SPRED2: variants seen among roughly 807,000 people sequenced by gnomAD.
SPRED2 encodes the protein sprouty-related, EVH1 domain-containing protein 2.
In SPRED2, 47 loss-of-function variants were observed where a neutral mutation model predicts 43.0. The observed-to-expected ratio is 1.09, with a 90% confidence interval of 0.87 to 1.40. The LOEUF (loss-of-function observed/expected upper bound fraction) is 1.40, where lower values mean the gene tolerates loss of function less well. Among genes scored for constraint, SPRED2 ranks in the 40% most tolerant of loss-of-function variants. SPRED2 has a pLI of 0.00. For synonymous variants in SPRED2, 225 were observed against 225.7 expected (o/e 1.00, Z 0.03); for missense variants, 561 against 586.4 (o/e 0.96, Z 0.45).
rs1668902982 is a variant in SPRED2, at chr2:65,432,317, G to T, written c.-330C>A. On this transcript the variant is annotated 5_prime_UTR_variant, in exon 1 of 6. Coordinates refer to ENST00000356388, the MANE Select transcript of SPRED2 (RefSeq NM_181784.3). ...GGGAGAGCAGGAGAAAAACAAGCGC[G>T]CCTCGGAGCGGCAGGGACTGCTGCG... is the stretch of plus-strand genomic sequence containing the variant. 7.2e-6 allele frequency: 2 copies of T among 276,988 alleles called. No individual in the cohort carries two copies. The highest frequency in any genetic ancestry group is 1.4e-5 in the Non-Finnish European group (2 of 143,172). 17.2% of individuals were successfully genotyped at this position (276,988 alleles called of 1,614,324 possible).
intron 1 of SPRED2, among the ~76,000 whole-genome samples, chr2:65,368,924 A>C (rs1675050245): frequency 6.6e-6 from 1 of 152,058 alleles, no homozygotes; most frequent in African/African-American, 2.4e-5. Context: ...AAAATACAAA[A>C]AGTAGCTGGG....
At chr2:65,349,413 AAAAC>A (rs201573607) in intron 1 of SPRED2, among the ~76,000 whole-genome samples, 2,507 of 152,208 alleles carry the variant, frequency 0.016, 81 homozygotes, top group African/African-American at 0.057. Context: ...CATTTATTTA[AAAAC>A]AAACAAACAA....
chr2:65,366,779 G>T (rs1259619064), intron 1 of SPRED2: 1 of 1,347,108 alleles, frequency 7.4e-7, no homozygotes, highest in Non-Finnish European at 9.5e-7. Context: ...TGTACCGGAT[G>T]AGTCATCCGA....
chr2:65,416,152 C>A (rs565071814), intron 1 of SPRED2, among the ~76,000 whole-genome samples: 1 of 152,116 alleles, frequency 6.6e-6, no homozygotes, highest in Non-Finnish European at 1.5e-5. Context: ...AATACCAACT[C>A]GGGAGGATGG....
chr2:65,311,085 G>A lies in SPRED2; in HGVS notation c.*2416C>T. 1.0e-6 allele frequency: 1 copy of A among 985,700 alleles called. No individual in the cohort carries two copies. Among genetic ancestry groups the A allele is most frequent in the Non-Finnish European group, 1.2e-6 (1 of 829,824 alleles). The allele number at this position is 985,700 out of a possible 1,614,324, so 61.1% of individuals were successfully genotyped here. ...CAGGCACTTTAATTTGTTAATGTGA[G>A]CAAATAGCTTGGGGGGTCGGGGAGG... On this transcript the variant is annotated 3_prime_UTR_variant, in exon 6 of 6. Transcript: ENST00000356388.
At chr2:65,401,233 C>T (rs1675879097) in intron 1 of SPRED2, among the ~76,000 whole-genome samples, 1 of 151,912 alleles carries the variant, frequency 6.6e-6, no homozygotes, top group East Asian at 2.0e-4. Context: ...GCCTCAGCCT[C>T]CCAAAGTGCT....
At chr2:65,338,750 T>C (rs1286861575) in intron 2 of SPRED2, among the ~76,000 whole-genome samples, 4 of 146,710 alleles carry the variant, frequency 2.7e-5, no homozygotes, top group Admixed American at 6.7e-5. Context: ...CGTCTCTGCC[T>C]GGCTGCCCAT....
chr2:65,349,826 C>T (rs892107986), intron 1 of SPRED2, among the ~76,000 whole-genome samples: 21 of 152,236 alleles, frequency 1.4e-4, no homozygotes, highest in Non-Finnish European at 5.9e-5. Context: ...CAAGTGCCTT[C>T]TCCAGGGTAT....
chr2:65,357,643 C>T (rs1001396945), intron 1 of SPRED2, among the ~76,000 whole-genome samples: 2 of 152,130 alleles, frequency 1.3e-5, no homozygotes, highest in African/African-American at 4.8e-5. Flanking sequence ...ACTGGATAGG[C>T]AACTGATTGT....
At chr2:65,353,148 T>C (rs938624812) in intron 1 of SPRED2, among the ~76,000 whole-genome samples, 24 of 152,116 alleles carry the variant, frequency 1.6e-4, no homozygotes, top group African/African-American at 4.8e-4. Context: ...TGCAGGAGCC[T>C]CAGAGGGGGT....
chr2:65,342,569 G>A (rs183581868), intron 2 of SPRED2, among the ~76,000 whole-genome samples: 1 of 152,046 alleles, frequency 6.6e-6, no homozygotes, highest in Admixed American at 6.6e-5. Flanking sequence ...TGTATCAAAA[G>A]TCATAAAAAT....
Position 65,331,975 on chromosome 2 carries a change from A to C in SPRED2, c.438+12T>G. ...CAACTAATCTGGAAAGCAAAGGACA[A>C]AGGAAACTTACTGTAAAAACGTCAT... On this transcript the variant is annotated intron_variant, in intron 4 of 5. Transcript: ENST00000356388. 8 of 1,598,520 alleles carry C rather than the reference A, an allele frequency of 5.0e-6. No homozygotes were observed. The highest frequency in any genetic ancestry group is 6.0e-6 in the Non-Finnish European group (7 of 1,169,352).
At chr2:65,345,455 T>C (rs890867266) in intron 1 of SPRED2, among the ~76,000 whole-genome samples, 2 of 152,054 alleles carry the variant, frequency 1.3e-5, no homozygotes, top group East Asian at 3.9e-4. Context: ...AGAGATGGGG[T>C]TTCACCATGT....
intron 1 of SPRED2, among the ~76,000 whole-genome samples, chr2:65,411,182 T>C (rs973189017): frequency 6.6e-6 from 1 of 152,218 alleles, no homozygotes; most frequent in Non-Finnish European, 1.5e-5. Context: ...TTGGCCCACA[T>C]TATCTCATTT....
At position 65,323,614 on chromosome 2, in the gene SPRED2, C is replaced by T. The variant is rs568819603; in HGVS notation, c.439-6731G>A. Among the ~76,000 whole-genome samples, 21 of 151,420 alleles carry T rather than the reference C, an allele frequency of 1.4e-4. 1 individual carries two copies. The South Asian group carries it at 1.7e-3, about 12-fold the overall frequency. ...ATCCCTGGCCAGGCGCGGTGACTCA[C>T]GCCTGTAATCTCAGCACTTTGGGAG... On this transcript the variant is annotated intron_variant, in intron 4 of 5. Transcript: ENST00000356388.
At chr2:65,399,826 G>T (rs1375165487) in intron 1 of SPRED2, among the ~76,000 whole-genome samples, 1 of 152,178 alleles carries the variant, frequency 6.6e-6, no homozygotes, top group African/African-American at 2.4e-5. Context: ...GGGGGAAAGG[G>T]TGGGGATGGC....
At chr2:65,374,943 G>T (rs1165518667) in intron 1 of SPRED2, among the ~76,000 whole-genome samples, 4 of 152,226 alleles carry the variant, frequency 2.6e-5, no homozygotes. Context: ...AGAGGGGAGA[G>T]AAGCGGGTAT....
chr2:65,431,878 T>C (rs1431460965), intron 1 of SPRED2, 84 bp downstream of exon 1: 1 of 1,528,730 alleles, frequency 6.5e-7, no homozygotes, highest in Non-Finnish European at 9.0e-7. Flanking sequence ...GTTCACCCAA[T>C]AAGCGTCCCC....
intron 1 of SPRED2, among the ~76,000 whole-genome samples, chr2:65,422,104 ACT>A (rs71398633): frequency 0.048 from 6,175 of 128,806 alleles, 177 homozygotes; most frequent in African/African-American, 0.086. Flanking sequence ...ACACACACAC[ACT>A]CTCTCTCTCT....
Sources: gnomAD v4.1 joint callset for allele counts (sites outside exome capture counted in the v4.1 genomes callset) on GRCh38, gnomAD v4.1.1 for gene constraint, MANE v1.5 for transcripts, NCBI Gene and HGNC (gene_info 2026-07-23, HGNC 2026-07-21) for gene names.